Variants in OPN1SW observed in about 807,000 individuals in gnomAD.
OPN1SW encodes the protein opsin 1, short wave sensitive.
OPN1SW carries 25 observed loss-of-function variants against 31.9 expected under a neutral mutation model. The ratio of observed to expected loss-of-function variants is 0.78; its 90% CI spans 0.57 to 1.09. The LOEUF (loss-of-function observed/expected upper bound fraction) is 1.09. Ranked by LOEUF, OPN1SW falls within the 50% of genes least tolerant of loss-of-function variation. OPN1SW has a pLI of 0.00. For synonymous variants in OPN1SW, 190 were observed against 171.9 expected, an observed-to-expected ratio of 1.11 and a Z score of -0.82; for missense variants, 424 against 448.0, an observed-to-expected ratio of 0.95 and a Z score of 0.48.
At position 128,775,476 on chromosome 7, in the gene OPN1SW, A is replaced by G. The variant is rs745463914; in HGVS notation, c.306T>C (p.His102=). The G allele has an allele frequency of 1.9e-6, 3 of 1,613,874 alleles. No homozygotes were observed. The highest frequency in any genetic ancestry group is 8.5e-7 in the Non-Finnish European group (1 of 1,179,820). The change falls in exon 1 of 5, where the codon CAT becomes CAC. Residue 102 remains histidine, a synonymous_variant. Transcript: ENST00000249389. ...CCAGGAAGCCCTCCAAAGCACAAAC[A>G]TGGCGACCGAAGACGAAGTATCCGT... The part of the protein sequence containing the change: ...SCNGYFVFGR[H]VCALEGFLGT...
Position 128,772,624 on chromosome 7 carries a change from C to T in OPN1SW, c.954G>A (p.Lys318=), listed in dbSNP as rs1801632136. 6.2e-7 allele frequency: 1 copy of T among 1,614,024 alleles called. No individual in the cohort carries two copies. The highest frequency in any genetic ancestry group is 1.7e-5 in the Admixed American group (1 of 60,012). The change falls in exon 5 of 5, where the codon AAG becomes AAA. Residue 318 remains lysine, a synonymous_variant. Transcript: ENST00000249389. ...QACIMKMVCG[K]AMTDESDTCS... Reference sequence around the variant, plus strand: ...ATGTGTCGGATTCATCTGTCATGGCCTTCCCACACACCATCTTCATGATGC... The same window carrying T: ...ATGTGTCGGATTCATCTGTCATGGCTTTCCCACACACCATCTTCATGATGC...
chr7:128,773,954 T>TA (rs1562888067), intron 3 of OPN1SW, 66 bp from the exon 4 acceptor site: 3 of 1,517,994 alleles, frequency 2.0e-6, no homozygotes, highest in East Asian at 4.6e-5. Flanking sequence ...TTTTTTTTTT[T>TA]TTTTTTAATT....
Position 128,774,483 on chromosome 7 carries a change from T to C in OPN1SW, c.678+15A>G. 1.2e-6 allele frequency: 2 copies of C among 1,613,486 alleles called. No individual in the cohort carries two copies. Among genetic ancestry groups the C allele is most frequent in the South Asian group, 1.1e-5 (1 of 91,082 alleles). ...CCCCGAACCCCTTCTTCCCTGACTATCAAATGCCACTCACAGCTTTCAGGG... is the reference window on the plus strand; with the variant it reads ...CCCCGAACCCCTTCTTCCCTGACTACCAAATGCCACTCACAGCTTTCAGGG... On this transcript the variant is annotated intron_variant, in intron 3 of 4. Transcript: ENST00000249389.
intron 4 of OPN1SW, among the ~76,000 whole-genome samples, 177 bp from the exon 5 acceptor site, chr7:128,772,836 C>T (rs770046613): frequency 1.3e-5 from 2 of 152,208 alleles, no homozygotes; most frequent in African/African-American, 2.4e-5. Flanking sequence ...TCTAGAACTA[C>T]TCCTGGGTCT....
chr7:128,772,881 A>G (rs1801646732), intron 4 of OPN1SW, among the ~76,000 whole-genome samples: 2 of 152,144 alleles, frequency 1.3e-5, no homozygotes, highest in Non-Finnish European at 2.9e-5. Context: ...CTGAGACCTC[A>G]CTGTTGGTAA....
chr7:128,774,414 C>T, intron 3 of OPN1SW, 84 bp downstream of exon 3: 1 of 1,556,588 alleles, frequency 6.4e-7, no homozygotes, highest in African/African-American at 1.4e-5. Context: ...ATGGACATTT[C>T]CAGGCATCTT....
Position 128,775,306 on chromosome 7 carries a change from C to A in OPN1SW, c.343+133G>T. 4 of 1,282,724 alleles carry A rather than the reference C, an allele frequency of 3.1e-6. No homozygotes were observed. The South Asian group carries it at 4.1e-5, about 13-fold the overall frequency. 79.5% of individuals were successfully genotyped at this position (1,282,724 alleles called of 1,614,324 possible). ...CAAACATCCTATTTTAGCCAAACTTCTAGTCTGGGTTGCTTTGTACCCCAG... is the reference window on the plus strand; with the variant it reads ...CAAACATCCTATTTTAGCCAAACTTATAGTCTGGGTTGCTTTGTACCCCAG... On this transcript the variant is annotated intron_variant, in intron 1 of 4. Transcript: ENST00000249389.
chr7:128,773,727 C>A lies in OPN1SW; in HGVS notation c.840G>T (p.Arg280=), dbSNP rs754610955. Reference sequence around the variant, plus strand: ...AGAAGAATGAAGGAATGGTGACAAGCCGTAAGTCCAGCCCATGGTTACGGT... The same window carrying A: ...AGAAGAATGAAGGAATGGTGACAAGACGTAAGTCCAGCCCATGGTTACGGT... ...VNNRNHGLDL[R]LVTIPSFFSK... The change falls in exon 4 of 5, where the codon CGG becomes CGT. Residue 280 remains arginine (R), a synonymous_variant. Transcript: ENST00000249389. 1 of 1,614,224 alleles carries A rather than the reference C, an allele frequency of 6.2e-7. No homozygotes were observed. Among genetic ancestry groups the A allele is most frequent in the Middle Eastern group, 1.6e-4 (1 of 6,062 alleles).
At position 128,774,538 on chromosome 7, in the gene OPN1SW, A is replaced by G. The variant is rs934797838; in HGVS notation, c.638T>C (p.Ile213Thr). The G allele has an allele frequency of 1.9e-6, 3 of 1,613,950 alleles. No homozygotes were observed. Among genetic ancestry groups the G allele is most frequent in the South Asian group, 1.1e-5 (1 of 91,076 alleles). Residue 213 changes from isoleucine (I) to threonine (T), a missense_variant, in exon 3 of 5, where the codon ATC (isoleucine) becomes ACC (threonine). Coordinates refer to ENST00000249389, the MANE Select transcript of OPN1SW (RefSeq NM_001385125.1). Reference sequence around the variant, plus strand: ...CAGCAGCTGAGTGTAGGAGAAGCAGATGAGGGAGAGAGGCACAATGAAGCA... The same window carrying G: ...CAGCAGCTGAGTGTAGGAGAAGCAGGTGAGGGAGAGAGGCACAATGAAGCA... ...IFCFIVPLSL[I>T]CFSYTQLLRA...
Position 128,773,825 on chromosome 7 carries a change from C to T in OPN1SW, c.742G>A (p.Val248Met), listed in dbSNP as rs1801691924. Residue 248 changes from valine to methionine, a missense_variant, in exon 4 of 5, where the codon GTG (valine) becomes ATG (methionine). Transcript: ENST00000249389. ...CAGAAGGATCCTACCATCACAACCA[C>T]CATGCGGCTCACCTCCCGTTCAGCC... The part of the protein sequence containing the change: ...QKAEREVSRM[V>M]VVMVGSFCVC... The T allele has an allele frequency of 6.2e-7, 1 of 1,613,906 alleles. No individual in the cohort carries two copies. Among genetic ancestry groups the T allele is most frequent in the South Asian group, 1.1e-5 (1 of 91,082 alleles).
intron 2 of OPN1SW, 25 bp downstream of exon 2, chr7:128,774,961 C>T (rs1313621140): frequency 2.5e-6 from 4 of 1,613,578 alleles, no homozygotes; most frequent in Middle Eastern, 1.7e-4. Context: ...CTAGTTAACT[C>T]AGCACCACTG....
Position 128,772,546 on chromosome 7 carries a change from G to T in OPN1SW, c.1032C>A (p.Pro344=). Residue 344 remains proline (P), a synonymous_variant, in exon 5 of 5, where the codon CCC becomes CCA. Transcript: ENST00000249389. ...ACAGGCCAATATTGGGTCCTCAGTT[G>T]GGGCCAACTTGGGTAGACGAGACAG... ...VSTVSSTQVG[P]N is the part of the protein sequence containing the mutation. The T allele has an allele frequency of 6.2e-7, 1 of 1,614,146 alleles. No homozygotes were observed. Among genetic ancestry groups the T allele is most frequent in the Non-Finnish European group, 8.5e-7 (1 of 1,179,998 alleles).
intron 1 of OPN1SW, 95 bp downstream of exon 1, chr7:128,775,344 C>T: frequency 7.2e-7 from 1 of 1,387,800 alleles, no homozygotes; most frequent in South Asian, 1.3e-5. Flanking sequence ...TTTTAAAAAG[C>T]ACCAGACTCA....
chr7:128,773,698 T>C lies in OPN1SW; in HGVS notation c.869A>G (p.Lys290Arg). Residue 290 changes from lysine to arginine, a missense_variant, in exon 4 of 5, where the codon AAG becomes AGG. Lys to Arg is a conservative substitution (Grantham distance 26, BLOSUM62 2). Coordinates refer to ENST00000249389, the MANE Select transcript of OPN1SW (RefSeq NM_001385125.1). ...GATGGGATTGTAGATGCAAGCACTCTTGGAGAAGAATGAAGGAATGGTGAC... is the reference window on the plus strand; with the variant it reads ...GATGGGATTGTAGATGCAAGCACTCCTGGAGAAGAATGAAGGAATGGTGAC... ...RLVTIPSFFS[K>R]SACIYNPIIY... 6.2e-7 allele frequency: 1 copy of C among 1,614,240 alleles called. No homozygotes were observed.
Position 128,773,862 on chromosome 7 carries a change from A to G in OPN1SW, c.705T>C (p.Ala235=). 4 of 1,612,074 alleles carry G rather than the reference A, an allele frequency of 2.5e-6. No homozygotes were observed. In the South Asian group the frequency reaches 4.4e-5, roughly 18 times the overall value. ...CCTCCCGTTCAGCCTTCTGGGTCGTAGCTGACTCCTGCTGCTGAGCTGCAA... is the reference window on the plus strand; with the variant it reads ...CCTCCCGTTCAGCCTTCTGGGTCGTGGCTGACTCCTGCTGCTGAGCTGCAA... The part of the protein sequence containing the change: ...KAVAAQQQES[A]TTQKAEREVS... Residue 235 remains alanine, a synonymous_variant, in exon 4 of 5, where the codon GCT becomes GCC. Coordinates refer to ENST00000249389, the MANE Select transcript of OPN1SW (RefSeq NM_001385125.1).
At chr7:128,775,207 T>C in intron 1 of OPN1SW, 53 bp from the exon 2 acceptor site, 3 of 1,583,536 alleles carry the variant, frequency 1.9e-6, no homozygotes, top group Non-Finnish European at 2.6e-6. Context: ...CCAGCCTGGC[T>C]GGCAGAGTGG....
At position 128,775,053 on chromosome 7, in the gene OPN1SW, T is replaced by G. The variant is rs770406105; in HGVS notation, c.445A>C (p.Thr149Pro). The change falls in exon 2 of 5, where the codon ACG becomes CCG. Residue 149 changes from threonine to proline, a missense_variant. Thr to Pro is a conservative substitution (Grantham distance 38). Transcript: ENST00000249389. ...NFRFSSKHAL[T>P]VVLATWTIGI... Reference sequence around the variant, plus strand: ...ATGGTCCAGGTAGCCAGGACCACCGTCAGTGCATGCTTGGAGCTGAAGCGG... The same window carrying G: ...ATGGTCCAGGTAGCCAGGACCACCGGCAGTGCATGCTTGGAGCTGAAGCGG... The G allele has an allele frequency of 1.9e-6, 3 of 1,614,214 alleles. No individual in the cohort carries two copies. The South Asian group carries it at 3.3e-5, about 18-fold the overall frequency.
At chr7:128,774,378 G>A (rs1801707781) in intron 3 of OPN1SW, 120 bp downstream of exon 3, 2 of 1,339,714 alleles carry the variant, frequency 1.5e-6, no homozygotes, top group South Asian at 1.2e-5. Context: ...TACTTCCTTT[G>A]CTGCTTTTAG....
At chr7:128,774,926 T>G in intron 2 of OPN1SW, 60 bp downstream of exon 2, 2 of 1,605,850 alleles carry the variant, frequency 1.2e-6, no homozygotes, top group Non-Finnish European at 1.7e-6. Context: ...CCAAGCTCTC[T>G]TTCCACCCAC....
Sources: gnomAD v4.1 joint callset for allele counts (sites outside exome capture counted in the v4.1 genomes callset) on GRCh38, gnomAD v4.1.1 for gene constraint, MANE v1.5 for transcripts, NCBI Gene and HGNC (gene_info 2026-07-23, HGNC 2026-07-21) for gene names.